The following NIM1K variants were observed in gnomAD, a reference collection of about 807,000 sequenced individuals.
NIM1K encodes the protein serine/threonine-protein kinase NIM1.
NIM1K carries 35 observed loss-of-function variants against 37.1 expected under a neutral mutation model. That is an observed-to-expected ratio of 0.94 (90% confidence interval 0.72 to 1.25). The LOEUF (loss-of-function observed/expected upper bound fraction) is 1.25. Ranked by LOEUF, NIM1K falls within the 50% of genes most tolerant of loss-of-function variation. The pLI, the probability that NIM1K is intolerant of heterozygous loss-of-function variation, is 0.00. For synonymous variants in NIM1K, 234 were observed against 206.6 expected, an observed-to-expected ratio of 1.13 and a Z score of -1.14; for missense variants, 564 against 548.0, an observed-to-expected ratio of 1.03 and a Z score of -0.29.
chr5:43,270,914 C>A (rs1753245908), intron 2 of NIM1K, among the ~76,000 whole-genome samples: 1 of 152,176 alleles, frequency 6.6e-6, no homozygotes, highest in African/African-American at 2.4e-5. Context: ...CCCCTAACAC[C>A]CAAACACCAA....
At chr5:43,195,191 G>C (rs1013075932) in intron 1 of NIM1K, among the ~76,000 whole-genome samples, 1 of 152,110 alleles carries the variant, frequency 6.6e-6, no homozygotes, top group Non-Finnish European at 1.5e-5. Context: ...TAATTTTCAG[G>C]AGAAGAAGAA....
chr5:43,233,854 G>A (rs1211016925), intron 1 of NIM1K, among the ~76,000 whole-genome samples: 1 of 152,198 alleles, frequency 6.6e-6, no homozygotes, highest in Non-Finnish European at 1.5e-5. Context: ...TTGCTGCTCA[G>A]GGCCACCTTC....
At chr5:43,253,820 C>T (rs533064815) in intron 2 of NIM1K, among the ~76,000 whole-genome samples, 2 of 151,984 alleles carry the variant, frequency 1.3e-5, no homozygotes, top group East Asian at 1.9e-4. Flanking sequence ...CCACCATGCT[C>T]GGCAATTTTT....
At chr5:43,218,306 C>T (rs1166283234) in intron 1 of NIM1K, among the ~76,000 whole-genome samples, 4 of 152,142 alleles carry the variant, frequency 2.6e-5, no homozygotes, top group Admixed American at 6.5e-5. Context: ...CCACCGTGCC[C>T]GGCCTCCTCT....
chr5:43,193,884 C>T (rs920600453), intron 1 of NIM1K, among the ~76,000 whole-genome samples: 1 of 152,150 alleles, frequency 6.6e-6, no homozygotes, highest in African/African-American at 2.4e-5. Context: ...TCCAGAGGAC[C>T]TTCTCTTGTA....
intron 1 of NIM1K, among the ~76,000 whole-genome samples, chr5:43,210,246 A>G (rs1752184462): frequency 6.6e-6 from 1 of 152,158 alleles, no homozygotes; most frequent in South Asian, 2.1e-4. Context: ...AATAGGTAGA[A>G]TTTCAACCAT....
At chr5:43,226,943 C>G (rs190252951) in intron 1 of NIM1K, among the ~76,000 whole-genome samples, 2 of 152,170 alleles carry the variant, frequency 1.3e-5, no homozygotes, top group African/African-American at 4.8e-5. Context: ...GGGCAGGAGC[C>G]GTCCTCACAG....
At chr5:43,205,029 A>C (rs1402491989) in intron 1 of NIM1K, among the ~76,000 whole-genome samples, 1 of 152,098 alleles carries the variant, frequency 6.6e-6, no homozygotes, top group Non-Finnish European at 1.5e-5. Flanking sequence ...AAAAAAACAA[A>C]AACAAGGCAT....
rs1184438674 is a variant in NIM1K at position 43,231,865 on chromosome 5, C to A, written c.-694-13217C>A. 1.5e-5 allele frequency: 18 copies of A among 1,210,920 alleles called. 1 individual carries two copies. The highest frequency in any genetic ancestry group is 2.1e-4 in the Middle Eastern group (1 of 4,672). The allele number at this position is 1,210,920 out of a possible 1,614,324, so 75.0% of individuals were successfully genotyped here. The stretch of plus-strand genomic sequence containing the variant: ...TCTCCTTCAACAGAATCCACACCAA[C>A]CTCCTTATAATCCTTCTCAAGGGCA... On this transcript the variant is annotated intron_variant, in intron 1 of 3. Coordinates refer to ENST00000326035, the MANE Select transcript of NIM1K (RefSeq NM_153361.4).
intron 2 of NIM1K, among the ~76,000 whole-genome samples, chr5:43,253,165 T>TAA (rs1281566546): frequency 1.4e-5 from 2 of 146,166 alleles, no homozygotes; most frequent in African/African-American, 2.5e-5. Flanking sequence ...TATATATATA[T>TAA]AATATAATAT....
In NIM1K at chr5:43,280,380, A is replaced by G. The variant is rs111766762; in HGVS notation, c.962A>G (p.Asn321Ser). The G allele has an allele frequency of 1.1e-4, 184 of 1,614,156 alleles. 1 individual carries two copies. The African/African-American group carries it at 2.1e-3, about 18-fold the overall frequency. The stretch of plus-strand genomic sequence containing the variant: ...AGGTACGGAATCGACTGCATCATGA[A>G]TGATGAATGGATGCAAGGGGTGCCA... ...TERYGIDCIM[N>S]DEWMQGVPYP... Residue 321 changes from asparagine (N) to serine (S), a missense_variant, in exon 4 of 4, where the codon AAT (asparagine) becomes AGT (serine). Asn to Ser is a conservative substitution (Grantham distance 46). Coordinates refer to ENST00000326035, the MANE Select transcript of NIM1K (RefSeq NM_153361.4).
In NIM1K at chr5:43,280,190, G is replaced by A; in HGVS notation, c.772G>A (p.Gly258Arg). The change falls in exon 4 of 4, where the codon GGG becomes AGG. Residue 258 changes from glycine to arginine, a missense_variant. Physicochemically the swap from Gly to Arg is moderately radical, Grantham distance 125. Coordinates refer to ENST00000326035, the MANE Select transcript of NIM1K (RefSeq NM_153361.4). ...IGIYVDIWALGVLLYFMVTGT... is the reference protein window; with the variant it reads ...IGIYVDIWALRVLLYFMVTGT... ...CATTTACGTGGATATCTGGGCCTTGGGGGTGCTTTTGTACTTCATGGTGAC... is the reference window on the plus strand; with the variant it reads ...CATTTACGTGGATATCTGGGCCTTGAGGGTGCTTTTGTACTTCATGGTGAC... 6.2e-7 allele frequency: 1 copy of A among 1,614,146 alleles called. No homozygotes were observed. Among genetic ancestry groups the A allele is most frequent in the Admixed American group, 1.7e-5 (1 of 60,016 alleles).
intron 2 of NIM1K, among the ~76,000 whole-genome samples, chr5:43,258,120 A>C (rs565556150): frequency 1.3e-5 from 2 of 152,218 alleles, no homozygotes; most frequent in South Asian, 4.2e-4. Context: ...CTACATCCTG[A>C]AGTGTAACCA....
intron 2 of NIM1K, among the ~76,000 whole-genome samples, chr5:43,267,492 G>A (rs1753182161): frequency 6.6e-6 from 1 of 151,828 alleles, no homozygotes; most frequent in Admixed American, 6.6e-5. Context: ...TTCTTCTCTA[G>A]CTTTGGGTTC....
intron 1 of NIM1K, chr5:43,242,817 T>C (rs1287118608): frequency 6.6e-6 from 1 of 151,714 alleles, no homozygotes; most frequent in African/African-American, 2.4e-5. Context: ...TTTTTTTTTT[T>C]TCAGATGGCG....
At chr5:43,268,134 G>A (rs778811140) in intron 2 of NIM1K, among the ~76,000 whole-genome samples, 11 of 152,132 alleles carry the variant, frequency 7.2e-5, no homozygotes, top group Non-Finnish European at 1.6e-4. Context: ...GAGCTCCATA[G>A]TTAGGTACAC....
Position 43,277,254 on chromosome 5 carries a change from AC to A in NIM1K, c.491del (p.Thr164MetfsTer21). ...GGGELFGKIS[T>X]EGKLSEPESK... ...TGGGGAGCTCTTCGGAAAAATTAGC[AC>A]TGAGGGGAAGCTCTCTGAACCAGAA... On this transcript the variant is annotated frameshift_variant, in exon 3 of 4. Coordinates refer to ENST00000326035, the MANE Select transcript of NIM1K (RefSeq NM_153361.4). LOFTEE classifies it high-confidence loss of function. 6.2e-7 allele frequency: 1 copy of A among 1,614,088 alleles called. No individual in the cohort carries two copies. The highest frequency in any genetic ancestry group is 8.5e-7 in the Non-Finnish European group (1 of 1,179,994).
chr5:43,244,774 T>G (rs1224892807), intron 1 of NIM1K, among the ~76,000 whole-genome samples: 1 of 152,250 alleles, frequency 6.6e-6, no homozygotes, highest in Non-Finnish European at 1.5e-5. Context: ...TCATATTATT[T>G]TTAAAATTTG....
chr5:43,208,420 T>A (rs1301945158), intron 1 of NIM1K, among the ~76,000 whole-genome samples: 1 of 151,880 alleles, frequency 6.6e-6, no homozygotes, highest in Non-Finnish European at 1.5e-5. Flanking sequence ...CTGACCAATA[T>A]GGTGAAACCC....
Sources: gnomAD v4.1 joint callset for allele counts (sites outside exome capture counted in the v4.1 genomes callset) on GRCh38, gnomAD v4.1.1 for gene constraint, MANE v1.5 for transcripts, NCBI Gene and HGNC (gene_info 2026-07-23, HGNC 2026-07-21) for gene names.